FSTL5: variants seen among roughly 807,000 people sequenced by gnomAD.
FSTL5 encodes the protein follistatin like 5.
In FSTL5, 62 loss-of-function variants were observed where a neutral mutation model predicts 89.1. The observed-to-expected ratio is 0.70, with a 90% CI of 0.57 to 0.86. The LOEUF (loss-of-function observed/expected upper bound fraction) is 0.86. Ranked by LOEUF, FSTL5 falls within the 40% of genes least tolerant of loss-of-function variation. The pLI, the probability that FSTL5 is intolerant of heterozygous loss-of-function variation, is 0.00. For synonymous variants in FSTL5, 383 were observed against 346.2 expected (o/e 1.11, Z -1.18); for missense variants, 1,057 against 1,001.6 (o/e 1.06, Z -0.75).
chr4:161,783,780 A>G (rs1329578967), intron 4 of FSTL5, among the ~76,000 whole-genome samples: 1 of 130,268 alleles, frequency 7.7e-6, no homozygotes, highest in African/African-American at 3.0e-5. Flanking sequence ...CTTTCTTGAC[A>G]GATTCTCACT....
At chr4:162,112,428 C>A (rs1051110994) in intron 1 of FSTL5, among the ~76,000 whole-genome samples, 17 of 152,048 alleles carry the variant, frequency 1.1e-4, no homozygotes, top group African/African-American at 3.9e-4. Flanking sequence ...TTTTACTTTT[C>A]AGAGACAGGT....
chr4:161,911,132 T>TA, intron 4 of FSTL5, among the ~76,000 whole-genome samples: 1 of 152,276 alleles, frequency 6.6e-6, no homozygotes, highest in Non-Finnish European at 1.5e-5. Context: ...GTAAAATTAT[T>TA]ATGGATTTTC....
intron 4 of FSTL5, among the ~76,000 whole-genome samples, chr4:161,859,962 T>G (rs183042133): frequency 1.8e-3 from 277 of 152,220 alleles, no homozygotes; most frequent in African/African-American, 6.2e-3. Flanking sequence ...AAAACAACAA[T>G]GTATGCAATG....
At position 161,386,205 on chromosome 4, in the gene FSTL5, T is replaced by G. The variant is rs1394661736; in HGVS notation, c.2086A>C (p.Thr696Pro). 1 of 1,613,852 alleles carries G rather than the reference T, an allele frequency of 6.2e-7. No homozygotes were observed. The highest frequency in any genetic ancestry group is 1.1e-5 in the South Asian group (1 of 91,064). Residue 696 changes from threonine to proline, a missense_variant, in exon 16 of 16, where the codon ACT becomes CCT. Thr to Pro is a conservative substitution (Grantham distance 38). Coordinates refer to ENST00000306100, the MANE Select transcript of FSTL5 (RefSeq NM_020116.5). The stretch of plus-strand genomic sequence containing the variant: ...TGGCCATCTGGAGAGACATATGGAG[T>G]GCCCGTCACATCACTATTGAACCCA... ...VIGFNSDVTG[T>P]PYVSPDGHYL... is the part of the protein sequence containing the mutation.
At chr4:161,407,583 C>A (rs560798312) in intron 15 of FSTL5, among the ~76,000 whole-genome samples, 1 of 136,618 alleles carries the variant, frequency 7.3e-6, no homozygotes, top group Non-Finnish European at 1.7e-5. Context: ...CCCCCACAGA[C>A]CTATGAGCTG....
chr4:161,922,270 A>G lies in FSTL5; in HGVS notation c.161-1618T>C, dbSNP rs145879155. Reference sequence around the variant, plus strand: ...TGGAAAAATAATTTATTGAAAAGATATTTCCGATGTATCTCCAATGTTATT... The same window carrying G: ...TGGAAAAATAATTTATTGAAAAGATGTTTCCGATGTATCTCCAATGTTATT... On this transcript the variant is annotated intron_variant, in intron 3 of 15. Coordinates refer to ENST00000306100, the MANE Select transcript of FSTL5 (RefSeq NM_020116.5). 2.0e-4 allele frequency among the ~76,000 whole-genome samples: 31 copies of G among 152,096 alleles called. No individual in the cohort carries two copies. The East Asian group carries it at 5.2e-3, about 26-fold the overall frequency.
At chr4:162,154,614 A>C (rs1385626774) in intron 1 of FSTL5, among the ~76,000 whole-genome samples, 1 of 152,176 alleles carries the variant, frequency 6.6e-6, no homozygotes, top group African/African-American at 2.4e-5. Flanking sequence ...TCAGTCAGAG[A>C]CCAAAGTTAA....
chr4:161,959,702 CATT>C (rs1316893901), intron 3 of FSTL5, among the ~76,000 whole-genome samples: 2 of 151,982 alleles, frequency 1.3e-5, no homozygotes, highest in South Asian at 2.1e-4. Flanking sequence ...TTTTTTTAGA[CATT>C]GTTGTGTTAA....
At chr4:161,764,156 T>A (rs937124802) in intron 5 of FSTL5, among the ~76,000 whole-genome samples, 1 of 152,214 alleles carries the variant, frequency 6.6e-6, no homozygotes, top group Non-Finnish European at 1.5e-5. Context: ...TCAGCAGTAC[T>A]CTAAAAAATA....
chr4:161,739,992 GTATC>G (rs200684176), intron 6 of FSTL5, among the ~76,000 whole-genome samples: 1 of 149,038 alleles, frequency 6.7e-6, no homozygotes, highest in African/African-American at 2.5e-5. Flanking sequence ...AAATAGGATA[GTATC>G]TATTTATTTA....
At chr4:161,812,909 A>AAAAAAG (rs1730204262) in intron 4 of FSTL5, among the ~76,000 whole-genome samples, 1 of 127,866 alleles carries the variant, frequency 7.8e-6, no homozygotes, top group Non-Finnish European at 1.7e-5. Context: ...AAAAAAAAAG[A>AAAAAAG]TTACGTTTTA....
chr4:161,724,333 C>CT (rs1739319915), intron 6 of FSTL5, among the ~76,000 whole-genome samples: 3 of 151,974 alleles, frequency 2.0e-5, no homozygotes, highest in Non-Finnish European at 2.9e-5. Context: ...CAAAAAAGAT[C>CT]TCCTGGAACT....
At chr4:161,973,525 A>C (rs986348321) in intron 3 of FSTL5, among the ~76,000 whole-genome samples, 1 of 152,244 alleles carries the variant, frequency 6.6e-6, no homozygotes, top group Non-Finnish European at 1.5e-5. Flanking sequence ...ACAATCCTAA[A>C]TAACTGTATT....
intron 1 of FSTL5, among the ~76,000 whole-genome samples, chr4:162,152,286 T>A (rs1244387198): frequency 6.6e-6 from 1 of 152,212 alleles, no homozygotes; most frequent in African/African-American, 2.4e-5. Flanking sequence ...TTTAATGATT[T>A]TTACTCCAAT....
At chr4:161,787,524 A>G (rs1263987269) in intron 4 of FSTL5, among the ~76,000 whole-genome samples, 1 of 152,174 alleles carries the variant, frequency 6.6e-6, no homozygotes, top group Non-Finnish European at 1.5e-5. Flanking sequence ...AGAAATGAAG[A>G]TGGTTTAGTC....
In FSTL5 at chr4:162,043,735, G is replaced by A. The variant is rs190142521; in HGVS notation, c.127-10077C>T. On this transcript the variant is annotated intron_variant, in intron 2 of 15. Transcript: ENST00000306100. ...AGCCTGCCACTGCTTTATCAACTACGTTTATGTAATATTCTAAACCCTTTG... is the reference window on the plus strand; with the variant it reads ...AGCCTGCCACTGCTTTATCAACTACATTTATGTAATATTCTAAACCCTTTG... Among the ~76,000 whole-genome samples, 117 of 152,160 alleles carry A rather than the reference G, an allele frequency of 7.7e-4. 1 individual carries two copies. The highest frequency in any genetic ancestry group is 2.7e-3 in the African/African-American group (113 of 41,518).
In FSTL5 at chr4:161,631,658, T is replaced by C. The variant is rs556611159; in HGVS notation, c.894+24670A>G. On this transcript the variant is annotated intron_variant, in intron 7 of 15. Transcript: ENST00000306100. ...TAATTCAGATGACACATAACACTAA[T>C]TTGGCACTTGATGCTATATTATTAG... Among the ~76,000 whole-genome samples the C allele has an allele frequency of 5.3e-5, 8 of 152,312 alleles. No homozygotes were observed. In the South Asian group the frequency reaches 1.7e-3, roughly 32 times the overall value.
At chr4:161,736,771 G>A (rs950147385) in intron 6 of FSTL5, among the ~76,000 whole-genome samples, 2 of 152,010 alleles carry the variant, frequency 1.3e-5, no homozygotes, top group Non-Finnish European at 2.9e-5. Context: ...CCTCTGTATG[G>A]GGTTAAATTG....
intron 2 of FSTL5, among the ~76,000 whole-genome samples, chr4:162,075,898 T>A (rs531464525): frequency 2.6e-5 from 4 of 151,952 alleles, no homozygotes; most frequent in East Asian, 3.9e-4. Flanking sequence ...CCTGTGTGGG[T>A]GGCTGGAATC....
Sources: gnomAD v4.1 joint callset for allele counts (sites outside exome capture counted in the v4.1 genomes callset) on GRCh38, gnomAD v4.1.1 for gene constraint, MANE v1.5 for transcripts, NCBI Gene and HGNC (gene_info 2026-07-23, HGNC 2026-07-21) for gene names.